HHAT: variants seen among roughly 807,000 people sequenced by gnomAD.
HHAT encodes the protein hedgehog acyltransferase, also known as protein-cysteine N-palmitoyltransferase HHAT.
A neutral mutation model predicts 70.8 loss-of-function variants in HHAT; 47 were observed. That is an observed-to-expected ratio of 0.66 (90% CI 0.53 to 0.85). The LOEUF is 0.85. HHAT is among the 40% of genes least tolerant of loss of function. The pLI is 0.00. For synonymous variants in HHAT, 228 were observed against 247.6 expected (o/e 0.92, Z 0.74); for missense variants, 609 against 604.8 (o/e 1.01, Z -0.07).
rs145923092 is a variant in HHAT, at chr1:210,588,000, C to T, written c.1146C>T (p.Tyr382=). 0.01 allele frequency: 16,653 copies of T among 1,614,064 alleles called. 102 individuals are homozygous for T. Among genetic ancestry groups the T allele is most frequent in the Non-Finnish European group, 0.012 (14,221 of 1,180,008 alleles). Residue 382 remains tyrosine, a synonymous_variant, in exon 10 of 12, where the codon TAC becomes TAT. Transcript: ENST00000261458. The part of the protein sequence containing the change: ...FAFVSYWHGG[Y]DYLWCWAALN... The stretch of plus-strand genomic sequence containing the variant: ...TTGTGAGCTACTGGCATGGCGGCTA[C>T]GACTACCTCTGGTGCTGGGCAGCGC...
rs1189638824 is a variant in HHAT at position 210,342,553 on chromosome 1, G to A, written c.-43-6380G>A. Among the ~76,000 whole-genome samples the A allele has an allele frequency of 4.6e-5, 7 of 152,260 alleles. No individual in the cohort carries two copies. In the South Asian group the frequency reaches 1.2e-3, roughly 27 times the overall value. ...CAGGCTGTGTCCCTATAGATTGGCC[G>A]TTTTCTATAGAAATGATGCTGTAAG... On this transcript the variant is annotated intron_variant, in intron 1 of 11. Transcript: ENST00000261458.
At position 210,347,411 on chromosome 1, in the gene HHAT, A is replaced by G. The variant is rs190858439; in HGVS notation, c.-43-1522A>G. On this transcript the variant is annotated intron_variant, in intron 1 of 11. Transcript: ENST00000261458. ...AATTCTGGGGTTTGGCATGACTGTC[A>G]CATGTTAGAAGTACTTGGTGGGGTT... Among the ~76,000 whole-genome samples the G allele has an allele frequency of 4.3e-4, 66 of 152,286 alleles. 1 individual carries two copies. The highest frequency in any genetic ancestry group is 1.5e-3 in the African/African-American group (61 of 41,566).
intron 10 of HHAT, among the ~76,000 whole-genome samples, chr1:210,609,755 A>T (rs983699527): frequency 1.3e-5 from 2 of 152,216 alleles, no homozygotes; most frequent in Admixed American, 1.3e-4. Flanking sequence ...AAGTGAGAAC[A>T]TGCGGTGCTT....
At position 210,336,310 on chromosome 1, in the gene HHAT, T is replaced by TTTTTTTTTA. The variant is rs2085492279; in HGVS notation, c.-44+7206_-44+7207insTTTTTTTTA. Among the ~76,000 whole-genome samples the TTTTTTTTTA allele has an allele frequency of 9.7e-5, 13 of 134,402 alleles. No homozygotes were observed. In the South Asian group the frequency reaches 2.5e-3, roughly 26 times the overall value. The allele number at this position is 134,402 out of a possible 152,430, so 88.2% of individuals were successfully genotyped here. On this transcript the variant is annotated intron_variant, in intron 1 of 11. Transcript: ENST00000261458. Reference sequence around the variant, plus strand: ...TAATTTTTTTTTTTTTTTTTTTTTTTAGAGACAGGGTCTTACCATGTTGCC... The same window carrying TTTTTTTTTA: ...TAATTTTTTTTTTTTTTTTTTTTTTTTTTTTTTTAAGAGACAGGGTCTTACCATGTTGCC...
At chr1:210,623,782 A>G (rs547193617) in intron 11 of HHAT, 112 bp downstream of exon 11, 112 of 1,125,276 alleles carry the variant, frequency 1.0e-4, no homozygotes, top group Non-Finnish European at 1.3e-4. Context: ...TGTTATGTTC[A>G]TGGCATGTGA....
rs892322446 is a variant in HHAT, at chr1:210,674,612, C to T, written c.*233C>T. 5.8e-5 allele frequency: 30 copies of T among 512,894 alleles called. No individual in the cohort carries two copies. Among genetic ancestry groups the T allele is most frequent in the East Asian group, 1.6e-4 (5 of 30,932 alleles). 31.8% of individuals were successfully genotyped at this position (512,894 alleles called of 1,614,324 possible). A position where few individuals can be genotyped will look rare whatever the true frequency, so the allele number is the denominator to read the frequency against. ...ACTCATCATTTTCCTATTGAGGAAA[C>T]GGGTCCAGGGCAGTCGTGTGTCTTA... is the stretch of plus-strand genomic sequence containing the variant. On this transcript the variant is annotated 3_prime_UTR_variant, in exon 12 of 12. Transcript: ENST00000261458.
At chr1:210,412,650 G>A (rs2148249605) in intron 6 of HHAT, among the ~76,000 whole-genome samples, 1 of 152,352 alleles carries the variant, frequency 6.6e-6, no homozygotes, top group South Asian at 2.1e-4. Context: ...CCACTAGGGT[G>A]GAGGTTTCAC....
intron 10 of HHAT, chr1:210,588,313 C>A: frequency 2.1e-6 from 1 of 470,344 alleles, no homozygotes; most frequent in South Asian, 4.6e-5. Context: ...GTATATATAA[C>A]TATAAAAAAT....
rs1271102309 is a variant in HHAT at position 210,400,565 on chromosome 1, C to G, written c.371C>G (p.Ser124Cys). 5 of 1,614,144 alleles carry G rather than the reference C, an allele frequency of 3.1e-6. No homozygotes were observed. In the South Asian group the frequency reaches 5.5e-5, roughly 18 times the overall value. ...ATGGTTTTGCTCCATACCACCATCTCTTTCTGCGTGGCCCAGTTCCGGTCT... is the reference window on the plus strand; with the variant it reads ...ATGGTTTTGCTCCATACCACCATCTGTTTCTGCGTGGCCCAGTTCCGGTCT... ...VAMVLLHTTI[S>C]FCVAQFRSQL... Residue 124 changes from serine (S) to cysteine (C), a missense_variant, in exon 5 of 12, where the codon TCT becomes TGT. Transcript: ENST00000261458.
At chr1:210,542,471 G>A (rs953150006) in intron 9 of HHAT, among the ~76,000 whole-genome samples, 19 of 148,570 alleles carry the variant, frequency 1.3e-4, no homozygotes, top group African/African-American at 3.9e-4. Context: ...AGTTTTTGCC[G>A]CATCAGTGTT....
intron 11 of HHAT, among the ~76,000 whole-genome samples, chr1:210,665,687 A>G (rs1400142228): frequency 6.6e-6 from 1 of 152,226 alleles, no homozygotes; most frequent in African/African-American, 2.4e-5. Flanking sequence ...TAAGGGACAG[A>G]CATCATTCAG....
chr1:210,479,201 C>T (rs1236589790), intron 8 of HHAT, among the ~76,000 whole-genome samples: 1 of 152,190 alleles, frequency 6.6e-6, no homozygotes, highest in Non-Finnish European at 1.5e-5. Flanking sequence ...ACTTCGCTTA[C>T]AGACTATTTA....
intron 10 of HHAT, among the ~76,000 whole-genome samples, chr1:210,608,780 T>C (rs1234800607): frequency 6.6e-6 from 1 of 152,134 alleles, no homozygotes; most frequent in Non-Finnish European, 1.5e-5. Flanking sequence ...CACTGGCCAT[T>C]TAAGTGTCTG....
intron 8 of HHAT, among the ~76,000 whole-genome samples, chr1:210,483,745 A>G (rs1000593359): frequency 2.0e-5 from 3 of 152,202 alleles, no homozygotes; most frequent in African/African-American, 4.8e-5. Context: ...TATTTTTATT[A>G]TATGGACTGT....
chr1:210,409,544 A>G (rs753810313), intron 6 of HHAT, among the ~76,000 whole-genome samples: 1 of 152,102 alleles, frequency 6.6e-6, no homozygotes, highest in Non-Finnish European at 1.5e-5. Flanking sequence ...ATGGTCTGTG[A>G]CCAGTATAAA....
intron 11 of HHAT, among the ~76,000 whole-genome samples, chr1:210,633,555 G>A (rs543443694): frequency 1.2e-4 from 18 of 152,306 alleles, no homozygotes; most frequent in Non-Finnish European, 2.2e-4. Context: ...TGAGTGTCCC[G>A]GATGCACCAA....
At chr1:210,453,895 G>A (rs1000856225) in intron 7 of HHAT, among the ~76,000 whole-genome samples, 1 of 152,110 alleles carries the variant, frequency 6.6e-6, no homozygotes, top group African/African-American at 2.4e-5. Flanking sequence ...AGACATACCC[G>A]AAACTGGCAA....
intron 9 of HHAT, among the ~76,000 whole-genome samples, chr1:210,524,014 A>C (rs1279394502): frequency 6.6e-6 from 1 of 152,236 alleles, no homozygotes; most frequent in African/African-American, 2.4e-5. Flanking sequence ...CGAGAACTGC[A>C]TGAATCCACT....
At chr1:210,344,895 TCGGAACAAG>T (rs1408674048) in intron 1 of HHAT, among the ~76,000 whole-genome samples, 2 of 11,668 alleles carry the variant, frequency 1.7e-4, no homozygotes, top group Non-Finnish European at 2.6e-4. Context: ...AGACGAGTCA[TCGGAACAAG>T]TCATGCCGGC....
Sources: gnomAD v4.1 joint callset for allele counts (sites outside exome capture counted in the v4.1 genomes callset) on GRCh38, gnomAD v4.1.1 for gene constraint, MANE v1.5 for transcripts, NCBI Gene and HGNC (gene_info 2026-07-23, HGNC 2026-07-21) for gene names.